The following CLIP1 variants were observed in gnomAD, a reference collection of about 807,000 sequenced individuals.
CLIP1 encodes the protein CAP-Gly domain-containing linker protein 1.
A neutral mutation model predicts 161.6 loss-of-function variants in CLIP1; 66 were observed. The observed-to-expected ratio is 0.41, with a 90% CI of 0.33 to 0.50. The LOEUF (loss-of-function observed/expected upper bound fraction) is 0.50. Among genes scored for constraint, CLIP1 ranks in the 20% least tolerant of loss-of-function variants. The pLI, the probability that CLIP1 is intolerant of heterozygous loss-of-function variation, is 0.27. For missense variants in CLIP1, 1,376 were observed against 1,702.0 expected (o/e 0.81, Z 3.37); for synonymous variants, 598 against 626.2 (o/e 0.96, Z 0.67).
chr12:122,410,606 G>A (rs1055589438), intron 1 of CLIP1, among the ~76,000 whole-genome samples: 9 of 151,658 alleles, frequency 5.9e-5, no homozygotes, highest in African/African-American at 7.3e-5. Flanking sequence ...TTACAGGCAC[G>A]TGCCACCACA....
chr12:122,353,700 G>A (rs1032800627), intron 7 of CLIP1, among the ~76,000 whole-genome samples: 4 of 151,784 alleles, frequency 2.6e-5, no homozygotes, highest in East Asian at 3.9e-4. Flanking sequence ...GCGCGATCTC[G>A]GCTCACTGCC....
Position 122,278,310 on chromosome 12 carries a change from T to C in CLIP1, c.3917-107A>G. On this transcript the variant is annotated intron_variant, in intron 23 of 25. Transcript: ENST00000620786. ...AAGGGCCTGTGTTCAAAACTCATTT[T>C]CCTGTGGACTTCCCAGATGCACCAC... The C allele has an allele frequency of 3.0e-6, 3 of 1,014,954 alleles. No individual in the cohort carries two copies. The South Asian group carries it at 4.2e-5, about 14-fold the overall frequency. The allele number at this position is 1,014,954 out of a possible 1,614,324, so 62.9% of individuals were successfully genotyped here.
At chr12:122,313,321 C>T (rs1051213500) in intron 19 of CLIP1, among the ~76,000 whole-genome samples, 2 of 152,188 alleles carry the variant, frequency 1.3e-5, no homozygotes, top group African/African-American at 2.4e-5. Context: ...AGTACAGCAC[C>T]AGGAACAGCT....
intron 1 of CLIP1, among the ~76,000 whole-genome samples, chr12:122,412,649 C>T (rs1454472626): frequency 4.0e-5 from 6 of 151,534 alleles, no homozygotes; most frequent in Admixed American, 2.0e-4. Context: ...AGCGAGACTC[C>T]GTCTCTAAAA....
chr12:122,343,149 T>TC (rs1952583715), intron 10 of CLIP1: 1 of 150,568 alleles, frequency 6.6e-6, no homozygotes, highest in Non-Finnish European at 1.5e-5. Flanking sequence ...TTTTTTTTTT[T>TC]TTTTTTTTGA....
At chr12:122,411,801 C>T (rs1209548397) in intron 1 of CLIP1, among the ~76,000 whole-genome samples, 1 of 152,042 alleles carries the variant, frequency 6.6e-6, no homozygotes, top group Non-Finnish European at 1.5e-5. Flanking sequence ...CTAATGGATA[C>T]ATGATTTCTT....
chr12:122,377,460 T>C lies in CLIP1; in HGVS notation c.586A>G (p.Ile196Val), dbSNP rs763195749. 5.6e-6 allele frequency: 9 copies of C among 1,614,160 alleles called. No homozygotes were observed. In the Admixed American group the frequency reaches 6.7e-5, roughly 12 times the overall value. Residue 196 changes from isoleucine to valine, a missense_variant, in exon 3 of 26, where the codon ATC becomes GTC. Coordinates refer to ENST00000620786, the MANE Select transcript of CLIP1 (RefSeq NM_001247997.2). The part of the protein sequence containing the change: ...SNLTKTASES[I>V]SNLSEAGSIK... ...GAGCCAGCCTCTGAAAGGTTGGAGATAGATTCACTGGCAGTTTTTGTAAGG... is the reference window on the plus strand; with the variant it reads ...GAGCCAGCCTCTGAAAGGTTGGAGACAGATTCACTGGCAGTTTTTGTAAGG...
chr12:122,378,850 G>A (rs968786262), intron 2 of CLIP1, among the ~76,000 whole-genome samples: 1 of 152,144 alleles, frequency 6.6e-6, no homozygotes, highest in Non-Finnish European at 1.5e-5. Context: ...ATAGGGCCGG[G>A]TGCAGTGGCT....
chr12:122,415,208 G>A (rs991661041), intron 1 of CLIP1, among the ~76,000 whole-genome samples: 14 of 152,040 alleles, frequency 9.2e-5, no homozygotes, highest in African/African-American at 2.2e-4. Context: ...GTGGCTGGGC[G>A]CAGTGGCTCA....
chr12:122,355,087 C>T lies in CLIP1; in HGVS notation c.1203+28G>A. Reference sequence around the variant, plus strand: ...CCTCAGTGGCTTTAGAAACCATCACCATCTCCGCAACAAGGTCCAGACTTC... The same window carrying T: ...CCTCAGTGGCTTTAGAAACCATCACTATCTCCGCAACAAGGTCCAGACTTC... On this transcript the variant is annotated intron_variant, in intron 6 of 25. Transcript: ENST00000620786. This position sits in a 1 kb window ranked among gnomAD's most constrained non-coding sequence, Gnocchi z 4.1. 2 of 1,605,898 alleles carry T rather than the reference C, an allele frequency of 1.2e-6. No individual in the cohort carries two copies. Among genetic ancestry groups the T allele is most frequent in the South Asian group, 1.1e-5 (1 of 90,462 alleles).
chr12:122,351,051 T>C (rs1684902040), intron 9 of CLIP1, 60 bp downstream of exon 9: 1 of 1,281,098 alleles, frequency 7.8e-7, no homozygotes, highest in Non-Finnish European at 1.1e-6. Context: ...ATAAGCATTT[T>C]AATCTGTGAT....
intron 21 of CLIP1, among the ~76,000 whole-genome samples, chr12:122,284,253 T>C (rs1955761640): frequency 6.6e-6 from 1 of 152,072 alleles, no homozygotes. Flanking sequence ...TGATGAAAAT[T>C]AAGAGTGATT....
intron 20 of CLIP1, among the ~76,000 whole-genome samples, chr12:122,301,465 G>A (rs760294864): frequency 5.9e-5 from 9 of 152,216 alleles, no homozygotes; most frequent in Non-Finnish European, 1.0e-4. Flanking sequence ...CAGGAGGTCA[G>A]GATTTTGAGA....
At chr12:122,273,972 G>C in intron 25 of CLIP1, 66 bp downstream of exon 25, 1 of 1,450,638 alleles carries the variant, frequency 6.9e-7, no homozygotes, top group Non-Finnish European at 9.6e-7. Flanking sequence ...CCCTCAAGTG[G>C]TCCGCCCGCC....
rs12231965 is a variant in CLIP1, at chr12:122,329,789, T to G, written c.2868-1363A>C. ...CAATAAATAACTTGAAGTTCTACTT[T>G]AAAGAGACCATGTGGTTGAACAAAA... On this transcript the variant is annotated intron_variant, in intron 15 of 25. Transcript: ENST00000620786. 1.2e-4 allele frequency among the ~76,000 whole-genome samples: 19 copies of G among 152,172 alleles called. No homozygotes were observed. The East Asian group carries it at 3.5e-3, about 28-fold the overall frequency.
chr12:122,350,285 T>C (rs1952969869), intron 9 of CLIP1, among the ~76,000 whole-genome samples: 1 of 152,122 alleles, frequency 6.6e-6, no homozygotes, highest in African/African-American at 2.4e-5. Flanking sequence ...CCGTCTTATG[T>C]GGCAGTAAAT....
chr12:122,393,939 G>A (rs1236489591), intron 1 of CLIP1, among the ~76,000 whole-genome samples: 1 of 68,354 alleles, frequency 1.5e-5, no homozygotes, highest in Non-Finnish European at 3.7e-5. Flanking sequence ...AAGATTCTAG[G>A]TTTTATGTAT....
At chr12:122,370,820 G>A (rs1954408695) in intron 3 of CLIP1, among the ~76,000 whole-genome samples, 1 of 151,902 alleles carries the variant, frequency 6.6e-6, no homozygotes, top group African/African-American at 2.4e-5. Context: ...ACACAGGAAA[G>A]GGTAATGCAT....
At chr12:122,331,313 C>T (rs1160461742) in intron 15 of CLIP1, among the ~76,000 whole-genome samples, 2 of 151,826 alleles carry the variant, frequency 1.3e-5, no homozygotes, top group Admixed American at 6.6e-5. Context: ...CATACAGTGC[C>T]TGGCCTTATT....
Sources: gnomAD v4.1 joint callset for allele counts (sites outside exome capture counted in the v4.1 genomes callset) on GRCh38, gnomAD v4.1.1 for gene constraint, Gnocchi (gnomAD v3.1) non-coding constraint, MANE v1.5 for transcripts, NCBI Gene and HGNC (gene_info 2026-07-23, HGNC 2026-07-21) for gene names.